SH3RF3: variants seen among roughly 807,000 people sequenced by gnomAD.
SH3RF3 encodes E3 ubiquitin-protein ligase SH3RF3.
In SH3RF3, 29 loss-of-function variants were observed where a neutral mutation model predicts 66.3. The ratio of observed to expected loss-of-function variants is 0.44; its 90% CI spans 0.33 to 0.60. The LOEUF (loss-of-function observed/expected upper bound fraction) is 0.60. Among genes scored for constraint, SH3RF3 ranks in the 20% least tolerant of loss-of-function variants. The pLI is 0.04. For missense variants in SH3RF3, 1,194 were observed against 1,190.9 expected, an observed-to-expected ratio of 1.00 and a Z score of -0.04; for synonymous variants, 583 against 532.0, an observed-to-expected ratio of 1.10 and a Z score of -1.32.
chr2:109,461,468 C>G (rs1678207871), intron 8 of SH3RF3, among the ~76,000 whole-genome samples: 2 of 107,160 alleles, frequency 1.9e-5, no homozygotes, highest in Admixed American at 9.6e-5. Flanking sequence ...TGCCAGAGGC[C>G]CCACGTAGCA....
intron 1 of SH3RF3, among the ~76,000 whole-genome samples, chr2:109,326,839 T>C (rs1682172355): frequency 6.6e-6 from 1 of 152,202 alleles, no homozygotes; most frequent in African/African-American, 2.4e-5. Flanking sequence ...AGAGTATCCG[T>C]AGGTGCGCAC....
intron 8 of SH3RF3, among the ~76,000 whole-genome samples, chr2:109,466,006 A>G (rs1434909998): frequency 2.0e-5 from 3 of 150,680 alleles, no homozygotes; most frequent in African/African-American, 4.9e-5. Context: ...GTGGGGACAC[A>G]GGTTCAAACC....
chr2:109,337,021 G>T (rs1020264609), intron 1 of SH3RF3, among the ~76,000 whole-genome samples: 1 of 152,168 alleles, frequency 6.6e-6, no homozygotes. Flanking sequence ...CAAATCATTA[G>T]GTATGCTTTG....
chr2:109,207,221 T>C (rs1381291341), intron 1 of SH3RF3, among the ~76,000 whole-genome samples: 1 of 152,258 alleles, frequency 6.6e-6, no homozygotes, highest in Non-Finnish European at 1.5e-5. Context: ...TTTACAGCAG[T>C]TCATTTTTAT....
chr2:109,501,868 C>CAA lies in SH3RF3; in HGVS notation c.*198_*199insAA. ...TCCCAAAACCCCCAAACGGAGAGCA[C>CAA]ACCTGGGATGTTCTTCAAGGAAATG... On this transcript the variant is annotated 3_prime_UTR_variant, in exon 10 of 10. Coordinates refer to ENST00000309415, the MANE Select transcript of SH3RF3 (RefSeq NM_001099289.3). 1.8e-6 allele frequency: 1 copy of CAA among 560,830 alleles called. No individual in the cohort carries two copies. The highest frequency in any genetic ancestry group is 1.9e-5 in the African/African-American group (1 of 53,472). 34.7% of individuals were successfully genotyped at this position (560,830 alleles called of 1,614,324 possible).
In SH3RF3 at chr2:109,156,449, GT is replaced by G. The variant is rs113467046; in HGVS notation, c.573+26349del. Among the ~76,000 whole-genome samples the G allele has an allele frequency of 8.2e-3, 1,188 of 145,090 alleles. 19 individuals carry two copies. Among genetic ancestry groups the G allele is most frequent in the African/African-American group, 0.026 (1,048 of 39,838 alleles). On this transcript the variant is annotated intron_variant, in intron 1 of 9. Transcript: ENST00000309415. ...GATACACTAAGGGATGAATTTTAAG[GT>G]TTTTTTTTTTTTGAGATGAAGTTTT...
intron 1 of SH3RF3, among the ~76,000 whole-genome samples, chr2:109,253,102 A>G (rs1680133891): frequency 6.6e-6 from 1 of 151,930 alleles, no homozygotes; most frequent in Non-Finnish European, 1.5e-5. Flanking sequence ...ATCTCAGGTC[A>G]CTGCAACCTC....
intron 1 of SH3RF3, among the ~76,000 whole-genome samples, chr2:109,217,144 C>T (rs534562833): frequency 4.6e-5 from 7 of 152,316 alleles, no homozygotes; most frequent in African/African-American, 1.7e-4. Flanking sequence ...TTCCATCGTA[C>T]GGTCATCCAC....
chr2:109,366,110 C>T (rs796867637), intron 2 of SH3RF3, among the ~76,000 whole-genome samples: 1 of 152,202 alleles, frequency 6.6e-6, no homozygotes, highest in South Asian at 2.1e-4. Flanking sequence ...TCCACCTCTT[C>T]TATCTCCTAG....
At chr2:109,304,159 G>A (rs902821273) in intron 1 of SH3RF3, among the ~76,000 whole-genome samples, 6 of 151,456 alleles carry the variant, frequency 4.0e-5, no homozygotes, top group East Asian at 3.9e-4. Flanking sequence ...GTACAGTATT[G>A]TTAGCTGGAG....
intron 1 of SH3RF3, among the ~76,000 whole-genome samples, chr2:109,339,175 G>A (rs1682497750): frequency 6.6e-6 from 1 of 151,558 alleles, no homozygotes; most frequent in Admixed American, 6.6e-5. Flanking sequence ...GGACGGGTAG[G>A]CAGAGAAGGG....
At chr2:109,219,926 C>G (rs2105142711) in intron 1 of SH3RF3, among the ~76,000 whole-genome samples, 1 of 152,284 alleles carries the variant, frequency 6.6e-6, no homozygotes, top group East Asian at 1.9e-4. Context: ...TAAAAAAGCA[C>G]TCTAAAATTT....
chr2:109,211,649 T>TTTC lies in SH3RF3; in HGVS notation c.573+81538_573+81539insCTT, dbSNP rs1491475133. 5.2e-3 allele frequency among the ~76,000 whole-genome samples: 294 copies of TTTC among 56,238 alleles called. 1 individual carries two copies. The highest frequency in any genetic ancestry group is 0.027 in the African/African-American group (209 of 7,772). 36.9% of individuals were successfully genotyped at this position (56,238 alleles called of 152,430 possible). A position where few individuals can be genotyped will look rare whatever the true frequency, so the allele number is the denominator to read the frequency against. On this transcript the variant is annotated intron_variant, in intron 1 of 9. Transcript: ENST00000309415. ...CTTCGGCCCTTCCTGCATTTCTTTC[T>TTTC]TTTTTTTTTTTTTGAGATGGAGTCT...
chr2:109,443,501 T>A (rs1273711812), intron 7 of SH3RF3, among the ~76,000 whole-genome samples: 2 of 151,860 alleles, frequency 1.3e-5, no homozygotes, highest in African/African-American at 4.8e-5. Context: ...GACTTGGGGG[T>A]TACAAATCGT....
chr2:109,229,271 G>A (rs1679443573), intron 1 of SH3RF3, among the ~76,000 whole-genome samples: 1 of 152,180 alleles, frequency 6.6e-6, no homozygotes, highest in African/African-American at 2.4e-5. Flanking sequence ...GGTGAGTAGA[G>A]TATGAGGAAT....
At chr2:109,254,910 C>T (rs1318751045) in intron 1 of SH3RF3, among the ~76,000 whole-genome samples, 10 of 152,282 alleles carry the variant, frequency 6.6e-5, no homozygotes, top group Non-Finnish European at 8.8e-5. Flanking sequence ...TCCATGTGAC[C>T]CACTCTGGTC....
intron 4 of SH3RF3, among the ~76,000 whole-genome samples, chr2:109,402,860 T>C (rs1343684544): frequency 1.3e-5 from 2 of 152,188 alleles, no homozygotes; most frequent in East Asian, 1.9e-4. Flanking sequence ...TGAATCCTCA[T>C]TGAACGTTGC....
At chr2:109,203,848 C>T (rs372263456) in intron 1 of SH3RF3, among the ~76,000 whole-genome samples, 9 of 152,250 alleles carry the variant, frequency 5.9e-5, no homozygotes, top group East Asian at 5.8e-4. Context: ...GTGGGTGCCT[C>T]GCTACCTACC....
chr2:109,178,000 A>G (rs1223207138), intron 1 of SH3RF3, among the ~76,000 whole-genome samples: 1 of 152,186 alleles, frequency 6.6e-6, no homozygotes, highest in African/African-American at 2.4e-5. Context: ...ATTAGACCTA[A>G]ACAAAGGGCC....
Sources: allele counts gnomAD v4.1 joint callset (sites outside exome capture counted in the v4.1 genomes callset), GRCh38; gene constraint gnomAD v4.1.1; transcripts MANE v1.5; gene names NCBI Gene and HGNC (gene_info 2026-07-23, HGNC 2026-07-21).